GCNT2: variants seen among roughly 807,000 people sequenced by gnomAD.
GCNT2 encodes N-acetyllactosaminide beta-1,6-N-acetylglucosaminyl-transferase.
In GCNT2, 34 loss-of-function variants were observed where a neutral mutation model predicts 34.2. That is an observed-to-expected ratio of 1.00 (90% confidence interval 0.76 to 1.32). GCNT2 has a LOEUF of 1.32. Among genes scored for constraint, GCNT2 ranks in the 40% most tolerant of loss-of-function variants. The pLI is 0.00. For synonymous variants in GCNT2, 212 were observed against 188.0 expected, an observed-to-expected ratio of 1.13 and a Z score of -1.04; for missense variants, 584 against 489.4, an observed-to-expected ratio of 1.19 and a Z score of -1.82.
chr6:10,623,753 G>C (rs1171127491), intron 4 of GCNT2, among the ~76,000 whole-genome samples: 4 of 152,152 alleles, frequency 2.6e-5, no homozygotes, highest in Non-Finnish European at 4.4e-5. Flanking sequence ...AAGACAGCTA[G>C]GATTTTTGAC....
Position 10,629,116 on chromosome 6 carries a change from G to C in GCNT2, c.*2509G>C, listed in dbSNP as rs1454967278. On this transcript the variant is annotated 3_prime_UTR_variant, in exon 5 of 5. Coordinates refer to ENST00000495262, the MANE Select transcript of GCNT2 (RefSeq NM_145649.5). ...TCAACTTATTTAAATGACAGCACCT[G>C]AGAAGAGGAACCGTTTTACACTGGA... 6 of 152,644 alleles carry C rather than the reference G, an allele frequency of 3.9e-5. No individual in the cohort carries two copies. Among genetic ancestry groups the C allele is most frequent in the Non-Finnish European group, 8.8e-5 (6 of 68,046 alleles). 9.5% of individuals were successfully genotyped at this position (152,644 alleles called of 1,614,324 possible). A position where few individuals can be genotyped will look rare whatever the true frequency, so the allele number is the denominator to read the frequency against.
At chr6:10,565,506 T>G (rs1360567490) in intron 3 of GCNT2, among the ~76,000 whole-genome samples, 2 of 152,170 alleles carry the variant, frequency 1.3e-5, no homozygotes, top group Non-Finnish European at 2.9e-5. Flanking sequence ...CACCTGCAGA[T>G]TAGCTCCCCG....
Position 10,626,660 on chromosome 6 carries a change from C to A in GCNT2, c.*53C>A. ...GGGAAACTGCAGCTGGGAAGAGGAG[C>A]CTGTTTTTGTGAGAGACTTTTGCCT... is the stretch of plus-strand genomic sequence containing the variant. On this transcript the variant is annotated 3_prime_UTR_variant, in exon 5 of 5. Coordinates refer to ENST00000495262, the MANE Select transcript of GCNT2 (RefSeq NM_145649.5). 7.2e-7 allele frequency: 1 copy of A among 1,385,250 alleles called. No individual in the cohort carries two copies. Among genetic ancestry groups the A allele is most frequent in the Non-Finnish European group, 1.0e-6 (1 of 973,032 alleles). The allele number at this position is 1,385,250 out of a possible 1,614,324, so 85.8% of individuals were successfully genotyped here.
rs115560829 is a variant in GCNT2 at position 10,577,990 on chromosome 6, G to T, written c.926-43361G>T. Among the ~76,000 whole-genome samples the T allele has an allele frequency of 7.7e-3, 1,171 of 152,244 alleles. 17 individuals are homozygous for T. The highest frequency in any genetic ancestry group is 0.025 in the African/African-American group (1,041 of 41,538). ...CCACCCCTCACTGATTCACCCAAAAGTGGGTTTATTTGTTGTCTTTTCTCT... is the reference window on the plus strand; with the variant it reads ...CCACCCCTCACTGATTCACCCAAAATTGGGTTTATTTGTTGTCTTTTCTCT... On this transcript the variant is annotated intron_variant, in intron 3 of 4. Transcript: ENST00000495262.
intron 3 of GCNT2, among the ~76,000 whole-genome samples, chr6:10,540,234 A>G (rs1761978519): frequency 6.6e-6 from 1 of 152,158 alleles, no homozygotes; most frequent in African/African-American, 2.4e-5. Context: ...ACCTGTCTGT[A>G]GTCTTGTACC....
intron 3 of GCNT2, among the ~76,000 whole-genome samples, chr6:10,617,731 G>GCCAGAGT (rs977707457): frequency 6.8e-6 from 1 of 147,866 alleles, no homozygotes; most frequent in African/African-American, 2.6e-5. Context: ...ACTGCACCTG[G>GCCAGAGT]CCAGAGTCTG....
At chr6:10,599,834 C>G (rs1258960066) in intron 3 of GCNT2, among the ~76,000 whole-genome samples, 1 of 152,074 alleles carries the variant, frequency 6.6e-6, no homozygotes, top group East Asian at 1.9e-4. Context: ...ATTCTAAAGC[C>G]AAGAGCATCA....
At chr6:10,536,773 G>A (rs1178734420) in intron 3 of GCNT2, among the ~76,000 whole-genome samples, 4 of 146,974 alleles carry the variant, frequency 2.7e-5, no homozygotes, top group Admixed American at 6.9e-5. Flanking sequence ...GCGCAATCTC[G>A]GCTCACTGCA....
intron 2 of GCNT2, 59 bp from the exon 3 acceptor site, chr6:10,528,572 T>C: frequency 2.7e-6 from 1 of 366,448 alleles, no homozygotes. Context: ...AATTTCATGG[T>C]GGGAACAGGT....
chr6:10,592,905 T>C (rs1475341162), intron 3 of GCNT2, among the ~76,000 whole-genome samples: 1 of 152,020 alleles, frequency 6.6e-6, no homozygotes. Flanking sequence ...CATGCCCAGC[T>C]AATTTTTTCA....
chr6:10,550,149 G>A (rs563523393), intron 3 of GCNT2, among the ~76,000 whole-genome samples: 2 of 152,172 alleles, frequency 1.3e-5, no homozygotes, highest in East Asian at 1.9e-4. Flanking sequence ...TGCTTCCCGG[G>A]TTCAAGTAAT....
chr6:10,582,125 A>T (rs114916693), intron 3 of GCNT2, among the ~76,000 whole-genome samples: 25,268 of 138,422 alleles, frequency 0.18, 2,790 homozygotes, highest in African/African-American at 0.3. Flanking sequence ...AAAAACATTT[A>T]TAAATGCATA....
At chr6:10,610,619 AATAAAT>A (rs1205319475) in intron 3 of GCNT2, among the ~76,000 whole-genome samples, 9 of 152,196 alleles carry the variant, frequency 5.9e-5, no homozygotes, top group Non-Finnish European at 1.3e-4. Flanking sequence ...TGAAGATATT[AATAAAT>A]ATAAATTCTC....
chr6:10,534,484 C>A (rs1462168145), intron 3 of GCNT2, among the ~76,000 whole-genome samples: 1 of 151,992 alleles, frequency 6.6e-6, no homozygotes, highest in East Asian at 1.9e-4. Context: ...ATTCAGATGT[C>A]CCCAGAGAGT....
At chr6:10,592,859 G>T (rs1561824971) in intron 3 of GCNT2, among the ~76,000 whole-genome samples, 1 of 151,994 alleles carries the variant, frequency 6.6e-6, no homozygotes, top group Non-Finnish European at 1.5e-5. Flanking sequence ...TCCTGCCTCA[G>T]CCTCCCAAGT....
chr6:10,607,072 A>G (rs766910410), intron 3 of GCNT2, among the ~76,000 whole-genome samples: 14 of 151,916 alleles, frequency 9.2e-5, no homozygotes, highest in Non-Finnish European at 1.5e-4. Context: ...TCAGCCTCCC[A>G]AATAGCTGGG....
chr6:10,609,711 A>T (rs1765470712), intron 3 of GCNT2, among the ~76,000 whole-genome samples: 1 of 152,316 alleles, frequency 6.6e-6, no homozygotes, highest in Admixed American at 6.5e-5. Flanking sequence ...TGACAGTATG[A>T]AGCAAAGGAA....
intron 4 of GCNT2, among the ~76,000 whole-genome samples, chr6:10,622,913 C>G (rs531695105): frequency 2.6e-3 from 400 of 152,104 alleles, no homozygotes; most frequent in Non-Finnish European, 4.6e-3. Flanking sequence ...TGTCACCACG[C>G]TCAGCTAATT....
chr6:10,557,118 A>C (rs748426560), intron 3 of GCNT2: 3 of 1,559,588 alleles, frequency 1.9e-6, no homozygotes, highest in Non-Finnish European at 2.6e-6. Flanking sequence ...TATGTCCACC[A>C]AGAGCACCTG....
Sources: gnomAD v4.1 joint callset for allele counts (sites outside exome capture counted in the v4.1 genomes callset) on GRCh38, gnomAD v4.1.1 for gene constraint, MANE v1.5 for transcripts, NCBI Gene and HGNC (gene_info 2026-07-23, HGNC 2026-07-21) for gene names.